The following SLC2A9 variants were observed in gnomAD, a reference collection of about 807,000 sequenced individuals.
SLC2A9 encodes the protein solute carrier family 2 member 9.
A neutral mutation model predicts 50.6 loss-of-function variants in SLC2A9; 39 were observed. The ratio of observed to expected loss-of-function variants is 0.77; its 90% confidence interval spans 0.60 to 1.01. The LOEUF (loss-of-function observed/expected upper bound fraction) is 1.01, where lower values mean the gene tolerates loss of function less well. SLC2A9 is among the 50% of genes least tolerant of loss of function. The probability of loss-of-function intolerance (pLI) is 0.00; values close to 1 mark genes in which losing one functional copy is unlikely to be tolerated. For missense variants in SLC2A9, 686 were observed against 677.6 expected, an observed-to-expected ratio of 1.01 and a Z score of -0.14; for synonymous variants, 324 against 276.9, an observed-to-expected ratio of 1.17 and a Z score of -1.69.
intron 2 of SLC2A9, among the ~76,000 whole-genome samples, chr4:10,012,820 AATG>A (rs1761982678): frequency 1.3e-5 from 2 of 151,842 alleles, no homozygotes; most frequent in African/African-American, 2.4e-5. Context: ...TGAGGGGGGA[AATG>A]ATGATGACAG....
Position 9,927,424 on chromosome 4 carries a change from C to T in SLC2A9, c.815-6852G>A, listed in dbSNP as rs966910078. Among the ~76,000 whole-genome samples the T allele has an allele frequency of 5.3e-5, 8 of 152,208 alleles. 1 individual carries two copies. The highest frequency in any genetic ancestry group is 4.1e-4 in the South Asian group (2 of 4,832). On this transcript the variant is annotated intron_variant, in intron 6 of 11. Coordinates refer to ENST00000264784, the MANE Select transcript of SLC2A9 (RefSeq NM_020041.3). ...TGCTAGAGCAAAGCGCAGAACAACCCGGAGGCCTCTTCCCTCTTGTGATCG... is the reference window on the plus strand; with the variant it reads ...TGCTAGAGCAAAGCGCAGAACAACCTGGAGGCCTCTTCCCTCTTGTGATCG...
chr4:9,919,217 G>A lies in SLC2A9; in HGVS notation c.1002+1168C>T, dbSNP rs577586821. Among the ~76,000 whole-genome samples the A allele has an allele frequency of 1.3e-4, 20 of 152,282 alleles. No homozygotes were observed. The East Asian group carries it at 1.7e-3, about 13-fold the overall frequency. On this transcript the variant is annotated intron_variant, in intron 7 of 11. Transcript: ENST00000264784. The stretch of plus-strand genomic sequence containing the variant: ...AAAACCTCGGTCTCGTCAACAGGAA[G>A]AGACAACAGGACTCTCCCAGGATCA...
intron 1 of SLC2A9, among the ~76,000 whole-genome samples, chr4:10,020,994 C>G (rs1026970667): frequency 1.3e-5 from 2 of 152,238 alleles, no homozygotes; most frequent in African/African-American, 4.8e-5. Context: ...AAGAGGGACA[C>G]CACCATGCAA....
intron 10 of SLC2A9, among the ~76,000 whole-genome samples, chr4:9,859,524 A>G (rs1409890568): frequency 1.3e-5 from 2 of 152,250 alleles, no homozygotes; most frequent in Non-Finnish European, 2.9e-5. Context: ...TTTTTCTCCT[A>G]TACCAGCCAT....
chr4:9,879,608 C>T, intron 10 of SLC2A9: 1 of 985,382 alleles, frequency 1.0e-6, no homozygotes, highest in Non-Finnish European at 1.2e-6. Context: ...AGGACCGCTC[C>T]ATCTTCTGGG....
chr4:10,031,720 T>C (rs573083728), intron 1 of SLC2A9, among the ~76,000 whole-genome samples: 46 of 152,334 alleles, frequency 3.0e-4, no homozygotes, highest in Non-Finnish European at 6.5e-4. Context: ...ACTCCTGCCT[T>C]GTGGAAATCA....
At chr4:10,003,300 T>A (rs1760180120) in intron 2 of SLC2A9, among the ~76,000 whole-genome samples, 1 of 152,196 alleles carries the variant, frequency 6.6e-6, no homozygotes. Flanking sequence ...CTGGAATTAA[T>A]GTAAGGAAAT....
chr4:9,850,842 CCTA>C (rs1216574339), intron 10 of SLC2A9, among the ~76,000 whole-genome samples: 1 of 152,124 alleles, frequency 6.6e-6, no homozygotes, highest in Non-Finnish European at 1.5e-5. Flanking sequence ...TGCTGTGCCC[CCTA>C]CTGATACATG....
chr4:9,869,533 C>G (rs1733058852), intron 10 of SLC2A9, among the ~76,000 whole-genome samples: 1 of 152,212 alleles, frequency 6.6e-6, no homozygotes, highest in African/African-American at 2.4e-5. Flanking sequence ...TCCCTGCTCA[C>G]CTTGCTAGAC....
At chr4:9,892,318 G>A (rs1737634954) in intron 8 of SLC2A9, among the ~76,000 whole-genome samples, 1 of 152,172 alleles carries the variant, frequency 6.6e-6, no homozygotes, top group Non-Finnish European at 1.5e-5. Context: ...AAAGTCAGAG[G>A]CCTGGGAGGA....
intron 8 of SLC2A9, among the ~76,000 whole-genome samples, chr4:9,900,701 A>C (rs1321533060): frequency 6.6e-6 from 1 of 152,188 alleles, no homozygotes; most frequent in Non-Finnish European, 1.5e-5. Flanking sequence ...TTTAATTGAC[A>C]AAGTTCCACA....
At chr4:9,783,085 C>A in intron 3 of SLC2A9, 1 of 1,614,222 alleles carries the variant, frequency 6.2e-7, no homozygotes, top group Non-Finnish European at 8.5e-7. Flanking sequence ...GGGCTAACTC[C>A]TCACTCAACC....
intron 4 of SLC2A9, among the ~76,000 whole-genome samples, chr4:9,982,946 G>A (rs551015534): frequency 1.8e-4 from 28 of 152,228 alleles, no homozygotes; most frequent in Non-Finnish European, 3.2e-4. Context: ...TCGGCTCACC[G>A]CAACCTCCAT....
At chr4:9,835,101 C>CA in intron 10 of SLC2A9, 93 bp from the exon 11 acceptor site, 2 of 1,580,004 alleles carry the variant, frequency 1.3e-6, no homozygotes, top group Non-Finnish European at 1.7e-6. Flanking sequence ...AGAACCCCCC[C>CA]ACCCCTGCCC....
chr4:9,997,025 T>C, intron 2 of SLC2A9, 84 bp from the exon 3 acceptor site: 1 of 1,507,150 alleles, frequency 6.6e-7, no homozygotes, highest in South Asian at 1.1e-5. Context: ...CAAAACAGCT[T>C]GTACAGAGCA....
At chr4:9,990,710 G>C (rs1757553112) in intron 3 of SLC2A9, among the ~76,000 whole-genome samples, 2 of 152,138 alleles carry the variant, frequency 1.3e-5, no homozygotes, top group African/African-American at 2.4e-5. Flanking sequence ...TGGATGTGTT[G>C]ACTCTTTGTT....
intron 10 of SLC2A9, among the ~76,000 whole-genome samples, chr4:9,847,223 G>T (rs1729126512): frequency 6.6e-6 from 1 of 152,230 alleles, no homozygotes; most frequent in Non-Finnish European, 1.5e-5. Context: ...GTTCTGCACG[G>T]CTGGAGAAGC....
At chr4:9,789,113 G>C (rs1260023986) in intron 3 of SLC2A9, among the ~76,000 whole-genome samples, 1 of 152,126 alleles carries the variant, frequency 6.6e-6, no homozygotes, top group African/African-American at 2.4e-5. Flanking sequence ...CAAATCCCAT[G>C]CATTCATTTT....
At chr4:10,014,022 C>G (rs1034292492) in intron 2 of SLC2A9, among the ~76,000 whole-genome samples, 2 of 152,184 alleles carry the variant, frequency 1.3e-5, no homozygotes, top group African/African-American at 4.8e-5. Context: ...CTCTTCTGTT[C>G]CAAGGGTTTC....
Sources: allele counts gnomAD v4.1 joint callset (sites outside exome capture counted in the v4.1 genomes callset), GRCh38; gene constraint gnomAD v4.1.1; transcripts MANE v1.5; gene names NCBI Gene and HGNC (gene_info 2026-07-23, HGNC 2026-07-21).